The following FILIP1L variants were observed in gnomAD, a reference collection of about 807,000 sequenced individuals.
The protein encoded by FILIP1L is filamin A interacting protein 1 like.
FILIP1L carries 55 observed loss-of-function variants against 96.6 expected under a neutral mutation model. The observed-to-expected ratio is 0.57, with a 90% confidence interval of 0.46 to 0.71. The LOEUF (loss-of-function observed/expected upper bound fraction) is 0.71. Ranked by LOEUF, FILIP1L falls within the 30% of genes least tolerant of loss-of-function variation. FILIP1L has a pLI of 0.00. For synonymous variants in FILIP1L, 467 were observed against 473.9 expected (o/e 0.99, Z 0.19); for missense variants, 1,304 against 1,321.2 (o/e 0.99, Z 0.20).
At chr3:100,075,386 T>G (rs2065834146) in intron 1 of FILIP1L, among the ~76,000 whole-genome samples, 2 of 152,236 alleles carry the variant, frequency 1.3e-5, no homozygotes, top group African/African-American at 4.8e-5. Flanking sequence ...GAAGGGCTTA[T>G]GATAACGAGC....
At chr3:99,831,282 A>T (rs1001566195) in intron 5 of FILIP1L, among the ~76,000 whole-genome samples, 2 of 152,244 alleles carry the variant, frequency 1.3e-5, no homozygotes, top group African/African-American at 4.8e-5. Context: ...AGTAGAATTT[A>T]AAACTGTGTA....
chr3:100,092,393 G>A (rs539547369), intron 1 of FILIP1L, among the ~76,000 whole-genome samples: 9 of 152,110 alleles, frequency 5.9e-5, no homozygotes, highest in Admixed American at 2.6e-4. Flanking sequence ...ATAATGAACT[G>A]TAATAAGATT....
intron 1 of FILIP1L, among the ~76,000 whole-genome samples, chr3:99,967,228 G>C (rs1042930971): frequency 3.3e-5 from 5 of 152,176 alleles, no homozygotes; most frequent in Non-Finnish European, 5.9e-5. Context: ...CAAATCAGCT[G>C]ATTTCTCTGC....
chr3:99,958,532 G>T (rs559122435), intron 1 of FILIP1L, among the ~76,000 whole-genome samples: 301 of 152,286 alleles, frequency 2.0e-3, no homozygotes, highest in African/African-American at 6.8e-3. Flanking sequence ...ACATGTATGT[G>T]CCACAGAAGG....
chr3:99,845,709 T>C (rs1471673292), intron 5 of FILIP1L, among the ~76,000 whole-genome samples: 2 of 152,226 alleles, frequency 1.3e-5, no homozygotes, highest in African/African-American at 2.4e-5. Flanking sequence ...TTAGGTGTAA[T>C]TCTATAGAAA....
intron 1 of FILIP1L, among the ~76,000 whole-genome samples, chr3:99,971,697 G>A (rs1003683327): frequency 1.3e-5 from 2 of 152,138 alleles, no homozygotes; most frequent in Non-Finnish European, 2.9e-5. Flanking sequence ...CTCACACTGT[G>A]GACTCACAGG....
chr3:100,081,126 T>C (rs1230093809), intron 1 of FILIP1L, among the ~76,000 whole-genome samples: 1 of 152,214 alleles, frequency 6.6e-6, no homozygotes, highest in Non-Finnish European at 1.5e-5. Flanking sequence ...TGAGCCTTAA[T>C]TTTTGAAAAG....
At position 99,988,059 on chromosome 3, in the gene FILIP1L, A is replaced by C. The variant is rs1217244481; in HGVS notation, c.-10-57029T>G. On this transcript the variant is annotated intron_variant, in intron 1 of 5. Transcript: ENST00000477258. ...AAATGTAAGGTTAAGCTGTAATTTC[A>C]TTGCTTGTCAATACATACTTCTTAA... Among the ~76,000 whole-genome samples, 4 of 152,286 alleles carry C rather than the reference A, an allele frequency of 2.6e-5. No individual in the cohort carries two copies. In the East Asian group the frequency reaches 7.7e-4, roughly 29 times the overall value.
chr3:100,083,261 G>A (rs929652445), intron 1 of FILIP1L, among the ~76,000 whole-genome samples: 2 of 152,126 alleles, frequency 1.3e-5, no homozygotes, highest in Non-Finnish European at 2.9e-5. Flanking sequence ...GCTTGCTTGC[G>A]CCTGTAATTA....
At chr3:99,987,838 C>A (rs1050269169) in intron 1 of FILIP1L, among the ~76,000 whole-genome samples, 2 of 152,204 alleles carry the variant, frequency 1.3e-5, no homozygotes, top group Non-Finnish European at 2.9e-5. Flanking sequence ...AAATAACATT[C>A]TAGCAGTAAA....
At chr3:100,059,310 G>A (rs2065519141) in intron 1 of FILIP1L, among the ~76,000 whole-genome samples, 1 of 152,164 alleles carries the variant, frequency 6.6e-6, no homozygotes, top group Admixed American at 6.5e-5. Flanking sequence ...AGGCTATAAT[G>A]GGACGAGCCT....
chr3:99,928,126 T>C (rs1412018957), intron 3 of FILIP1L, among the ~76,000 whole-genome samples: 2 of 152,234 alleles, frequency 1.3e-5, no homozygotes, highest in Non-Finnish European at 2.9e-5. Context: ...CTTATTCTCA[T>C]GTAATTAGGA....
At chr3:100,040,492 C>T (rs1283130649) in intron 1 of FILIP1L, 2 of 152,150 alleles carry the variant, frequency 1.3e-5, no homozygotes, top group Admixed American at 6.5e-5. Flanking sequence ...GCACATTTTC[C>T]CAGCAGCCTG....
At chr3:100,052,716 A>C (rs573151904) in intron 1 of FILIP1L, among the ~76,000 whole-genome samples, 1 of 152,364 alleles carries the variant, frequency 6.6e-6, no homozygotes, top group South Asian at 2.1e-4. Flanking sequence ...CTAAAATTTT[A>C]CAAAGGCAAG....
At chr3:99,892,568 G>T (rs1333964070) in intron 4 of FILIP1L, among the ~76,000 whole-genome samples, 1 of 152,088 alleles carries the variant, frequency 6.6e-6, no homozygotes, top group African/African-American at 2.4e-5. Context: ...CCCTTTGATG[G>T]CTTCATTGTC....
intron 1 of FILIP1L, among the ~76,000 whole-genome samples, chr3:99,957,849 T>G (rs965552951): frequency 1.3e-5 from 2 of 151,342 alleles, no homozygotes; most frequent in Non-Finnish European, 2.9e-5. Flanking sequence ...TATTTGTATG[T>G]TCTTAATATA....
intron 1 of FILIP1L, among the ~76,000 whole-genome samples, chr3:100,034,600 C>T (rs1489874108): frequency 6.6e-6 from 1 of 152,158 alleles, no homozygotes; most frequent in African/African-American, 2.4e-5. Flanking sequence ...AAACATGCTT[C>T]CTTATCAGTA....
intron 1 of FILIP1L, chr3:100,025,531 G>T (rs1043980083): frequency 6.6e-6 from 1 of 152,082 alleles, no homozygotes; most frequent in Non-Finnish European, 1.5e-5. Context: ...GAAGGAACGG[G>T]GAAAGATGTT....
At chr3:99,939,239 C>T (rs929680735) in intron 1 of FILIP1L, among the ~76,000 whole-genome samples, 3 of 152,328 alleles carry the variant, frequency 2.0e-5, no homozygotes, top group Middle Eastern at 3.4e-3. Flanking sequence ...CACCTGCTCA[C>T]TTGTTATATG....
Sources: allele counts gnomAD v4.1 joint callset (sites outside exome capture counted in the v4.1 genomes callset), GRCh38; gene constraint gnomAD v4.1.1; transcripts MANE v1.5; gene names NCBI Gene and HGNC (gene_info 2026-07-23, HGNC 2026-07-21).